The following SYT1 variants were observed in gnomAD, a reference collection of about 807,000 sequenced individuals.
SYT1 encodes synaptotagmin-1.
SYT1 carries 8 observed loss-of-function variants against 44.8 expected under a neutral mutation model. That is an observed-to-expected ratio of 0.18 (90% CI 0.10 to 0.32). SYT1 has a LOEUF of 0.32. Among genes scored for constraint, SYT1 ranks in the 10% least tolerant of loss-of-function variants. The pLI is 1.00. For missense variants in SYT1, 286 were observed against 509.3 expected (o/e 0.56, Z 4.22); for synonymous variants, 154 against 188.8 (o/e 0.82, Z 1.51).
At chr12:78,932,130 AG>A (rs1217990724) in intron 1 of SYT1, among the ~76,000 whole-genome samples, 2 of 152,192 alleles carry the variant, frequency 1.3e-5, no homozygotes, top group Non-Finnish European at 2.9e-5. Context: ...TGCAATTGTG[AG>A]AGAATAAATT....
At chr12:79,391,495 T>A (rs1462962850) in intron 9 of SYT1, among the ~76,000 whole-genome samples, 6 of 152,140 alleles carry the variant, frequency 3.9e-5, no homozygotes, top group African/African-American at 7.2e-5. Context: ...CTAGGAATTT[T>A]AAAAAAACTA....
intron 8 of SYT1, among the ~76,000 whole-genome samples, chr12:79,323,865 A>G (rs1262199164): frequency 6.6e-6 from 1 of 150,732 alleles, no homozygotes; most frequent in African/African-American, 2.4e-5. Flanking sequence ...ATATTTGCAT[A>G]TGTATAAAAA....
chr12:78,915,666 T>C (rs1264905550), intron 1 of SYT1, among the ~76,000 whole-genome samples: 3 of 152,052 alleles, frequency 2.0e-5, no homozygotes, highest in Non-Finnish European at 2.9e-5. Context: ...AACAACAAAA[T>C]TTGTCTGAAT....
chr12:79,448,382 TATTA>T (rs1870850512), intron 10 of SYT1, among the ~76,000 whole-genome samples: 1 of 152,246 alleles, frequency 6.6e-6, no homozygotes, highest in African/African-American at 2.4e-5. Context: ...TGAAATTCTA[TATTA>T]ATTCTATATT....
chr12:79,002,745 T>G (rs1268166148), intron 2 of SYT1, among the ~76,000 whole-genome samples: 1 of 152,042 alleles, frequency 6.6e-6, no homozygotes, highest in Non-Finnish European at 1.5e-5. Context: ...TCCATTGGGA[T>G]CCTTCTATTG....
intron 3 of SYT1, among the ~76,000 whole-genome samples, chr12:79,088,893 G>C (rs778180126): frequency 4.6e-5 from 7 of 151,816 alleles, no homozygotes; most frequent in Non-Finnish European, 7.4e-5. Flanking sequence ...ACAAAGAGAG[G>C]TTCCAGAATT....
intron 3 of SYT1, among the ~76,000 whole-genome samples, chr12:79,087,089 AG>A (rs1354711623): frequency 6.6e-6 from 1 of 152,166 alleles, no homozygotes; most frequent in African/African-American, 2.4e-5. Context: ...CAGCTGTGTT[AG>A]TACACAATTC....
intron 3 of SYT1, among the ~76,000 whole-genome samples, chr12:79,175,860 G>A (rs1012058771): frequency 2.0e-5 from 3 of 152,006 alleles, no homozygotes; most frequent in Non-Finnish European, 4.4e-5. Context: ...TGGGGGTTGG[G>A]GGGTAGCATC....
chr12:79,403,603 A>G (rs1241875305), intron 9 of SYT1, among the ~76,000 whole-genome samples: 1 of 152,140 alleles, frequency 6.6e-6, no homozygotes, highest in African/African-American at 2.4e-5. Context: ...AGGGGACACA[A>G]TTTCACCCAT....
At chr12:79,285,744 T>A in intron 4 of SYT1, 43 bp from the exon 5 acceptor site, 1 of 1,467,848 alleles carries the variant, frequency 6.8e-7, no homozygotes, top group Middle Eastern at 1.8e-4. Context: ...GTTTTCCACA[T>A]CTAAGTGTTG....
chr12:78,956,673 T>C (rs1414985567), intron 1 of SYT1, among the ~76,000 whole-genome samples: 1 of 152,114 alleles, frequency 6.6e-6, no homozygotes, highest in Non-Finnish European at 1.5e-5. Context: ...GTAATATTTA[T>C]TGAGATTTGA....
chr12:79,362,514 C>G lies in SYT1; in HGVS notation c.928+8895C>G, dbSNP rs571814505. ...CCTACCTTTGTCCAATTCCAGAGCT[C>G]ATTCATGTGTACAACACACAGAGTT... On this transcript the variant is annotated intron_variant, in intron 9 of 10. Transcript: ENST00000261205. 2.0e-5 allele frequency among the ~76,000 whole-genome samples: 3 copies of G among 152,172 alleles called. No homozygotes were observed. In the East Asian group the frequency reaches 5.8e-4, roughly 29 times the overall value.
intron 3 of SYT1, among the ~76,000 whole-genome samples, chr12:79,177,150 C>T (rs1360987672): frequency 3.8e-4 from 43 of 114,644 alleles, no homozygotes; most frequent in Middle Eastern, 7.6e-3. Context: ...CACCCACTAA[C>T]GTGTCATCTA....
At chr12:78,876,618 T>C (rs900411079) in intron 1 of SYT1, among the ~76,000 whole-genome samples, 2 of 137,746 alleles carry the variant, frequency 1.5e-5, no homozygotes, top group South Asian at 2.2e-4. Flanking sequence ...TATATACACA[T>C]ATGTATATAC....
At chr12:79,149,617 A>G (rs933952987) in intron 3 of SYT1, among the ~76,000 whole-genome samples, 1 of 152,156 alleles carries the variant, frequency 6.6e-6, no homozygotes, top group African/African-American at 2.4e-5. Context: ...TGAAGAATCC[A>G]TACTTTATGG....
chr12:79,335,246 C>T (rs953206637), intron 8 of SYT1, among the ~76,000 whole-genome samples: 3 of 152,124 alleles, frequency 2.0e-5, no homozygotes, highest in African/African-American at 4.8e-5. Flanking sequence ...CTCCTCTTGT[C>T]AGATAGTCCT....
At chr12:79,271,881 A>G (rs1878445399) in intron 4 of SYT1, among the ~76,000 whole-genome samples, 1 of 152,226 alleles carries the variant, frequency 6.6e-6, no homozygotes, top group African/African-American at 2.4e-5. Context: ...AAGAGAGTTT[A>G]TTAAGATACA....
chr12:79,312,618 T>A (rs551185049), intron 8 of SYT1, among the ~76,000 whole-genome samples: 1 of 152,208 alleles, frequency 6.6e-6, no homozygotes, highest in Non-Finnish European at 1.5e-5. Flanking sequence ...TTAGGTAGTC[T>A]TATGAAAACG....
chr12:79,285,757 T>C, intron 4 of SYT1, 30 bp from the exon 5 acceptor site: 1 of 1,517,536 alleles, frequency 6.6e-7, no homozygotes, highest in Non-Finnish European at 9.0e-7. Flanking sequence ...AAGTGTTGTA[T>C]GACTAGTGCT....
Sources: allele counts gnomAD v4.1 joint callset (sites outside exome capture counted in the v4.1 genomes callset), GRCh38; gene constraint gnomAD v4.1.1; transcripts MANE v1.5; gene names NCBI Gene and HGNC (gene_info 2026-07-23, HGNC 2026-07-21).